ZBTB7C: variants seen among roughly 807,000 people sequenced by gnomAD.
ZBTB7C encodes the protein zinc finger and BTB domain containing 7C.
A neutral mutation model predicts 25.7 loss-of-function variants in ZBTB7C; 8 were observed. That is an observed-to-expected ratio of 0.31 (90% CI 0.18 to 0.56). The LOEUF is 0.56. ZBTB7C is among the 20% of genes least tolerant of loss of function. The pLI, the probability that ZBTB7C is intolerant of heterozygous loss-of-function variation, is 0.91. For synonymous variants in ZBTB7C, 394 were observed against 369.0 expected (o/e 1.07, Z -0.78); for missense variants, 824 against 855.2 (o/e 0.96, Z 0.46).
intron 3 of ZBTB7C, among the ~76,000 whole-genome samples, chr18:48,130,518 T>C (rs1029407216): frequency 1.3e-5 from 2 of 152,182 alleles, no homozygotes; most frequent in Non-Finnish European, 2.9e-5. Context: ...AACGGCCATT[T>C]GTATGACTCT....
intron 3 of ZBTB7C, among the ~76,000 whole-genome samples, chr18:48,159,905 T>C (rs976302237): frequency 6.6e-6 from 1 of 152,118 alleles, no homozygotes; most frequent in Non-Finnish European, 1.5e-5. Flanking sequence ...TGTGGGGCTG[T>C]GGTCTCTTCA....
At chr18:48,393,522 G>C (rs2047951445) in intron 1 of ZBTB7C, among the ~76,000 whole-genome samples, 1 of 152,020 alleles carries the variant, frequency 6.6e-6, no homozygotes, top group African/African-American at 2.4e-5. Flanking sequence ...CAATAAAGCT[G>C]TTAAAAATGT....
intron 2 of ZBTB7C, among the ~76,000 whole-genome samples, chr18:48,302,151 T>C (rs2144745618): frequency 6.6e-6 from 1 of 152,312 alleles, no homozygotes; most frequent in South Asian, 2.1e-4. Flanking sequence ...TTTAACTCTG[T>C]CCTATAATCC....
chr18:48,349,833 G>C (rs145480202), intron 1 of ZBTB7C, among the ~76,000 whole-genome samples: 2 of 152,264 alleles, frequency 1.3e-5, no homozygotes, highest in African/African-American at 4.8e-5. Flanking sequence ...TTTAAAGGGA[G>C]GGGGAGAGAG....
intron 1 of ZBTB7C, among the ~76,000 whole-genome samples, chr18:48,363,259 G>A (rs2047151575): frequency 6.6e-6 from 1 of 152,166 alleles, no homozygotes; most frequent in Non-Finnish European, 1.5e-5. Flanking sequence ...CTATAGGAGG[G>A]TGGCCTTTTA....
At chr18:48,210,050 C>T (rs1277151144) in intron 2 of ZBTB7C, among the ~76,000 whole-genome samples, 1 of 152,042 alleles carries the variant, frequency 6.6e-6, no homozygotes, top group East Asian at 1.9e-4. Flanking sequence ...ATGCAAATGG[C>T]CGGTAAGTAC....
At chr18:48,169,003 G>C (rs1269232315) in intron 3 of ZBTB7C, among the ~76,000 whole-genome samples, 2 of 152,246 alleles carry the variant, frequency 1.3e-5, no homozygotes, top group Non-Finnish European at 2.9e-5. Context: ...AGCCCTTGGT[G>C]AATGTTGCAA....
At chr18:48,238,331 C>T (rs1381365504) in intron 2 of ZBTB7C, among the ~76,000 whole-genome samples, 1 of 152,200 alleles carries the variant, frequency 6.6e-6, no homozygotes, top group Non-Finnish European at 1.5e-5. Flanking sequence ...TGTGTGAAGA[C>T]TCCCATTGTG....
chr18:48,066,371 G>T (rs1159617367), intron 3 of ZBTB7C, among the ~76,000 whole-genome samples: 1 of 152,230 alleles, frequency 6.6e-6, no homozygotes, highest in Non-Finnish European at 1.5e-5. Context: ...AGGTGGGGGT[G>T]ATGTGTTTCT....
chr18:48,106,107 C>G (rs148080432), intron 3 of ZBTB7C, among the ~76,000 whole-genome samples: 41 of 152,318 alleles, frequency 2.7e-4, no homozygotes, highest in African/African-American at 9.4e-4. Flanking sequence ...CTGCAGGAAG[C>G]TGCCTGCTCC....
intron 2 of ZBTB7C, among the ~76,000 whole-genome samples, chr18:48,302,159 T>A (rs1221590681): frequency 6.6e-6 from 1 of 152,066 alleles, no homozygotes; most frequent in African/African-American, 2.4e-5. Flanking sequence ...TGTCCTATAA[T>A]CCCCTGTGCA....
chr18:48,165,230 G>A (rs965337143), intron 3 of ZBTB7C: 1 of 729,886 alleles, frequency 1.4e-6, no homozygotes, highest in Admixed American at 2.3e-5. Flanking sequence ...CCAGCCTCCT[G>A]TTGGCCCACA....
chr18:48,355,926 G>A lies in ZBTB7C; in HGVS notation c.-303-17528C>T, dbSNP rs536274808. On this transcript the variant is annotated intron_variant, in intron 1 of 4. Coordinates refer to ENST00000590800, the MANE Select transcript of ZBTB7C (RefSeq NM_001318841.2). ...ACCTCACACCCCAGGTGAGCGGGCT[G>A]AGAAGTTCACGTTGGCTTTCTACTG... Among the ~76,000 whole-genome samples the A allele has an allele frequency of 1.1e-3, 164 of 152,338 alleles. 1 individual carries two copies. The highest frequency in any genetic ancestry group is 6.8e-3 in the Middle Eastern group (2 of 294).
At position 48,040,978 on chromosome 18, in the gene ZBTB7C, C is replaced by G; in HGVS notation, c.130G>C (p.Glu44Gln). Reference sequence around the variant, plus strand: ...AGGACGGAGCGGTGGGTCCGATACTCCTGCTCCTGCACCACCAGGAGCACG... The same window carrying G: ...AGGACGGAGCGGTGGGTCCGATACTGCTGCTCCTGCACCACCAGGAGCACG... ...CDVLLVVQEQ[E>Q]YRTHRSVLAA... Residue 44 changes from glutamate to glutamine, a missense_variant, in exon 4 of 5, where the codon GAG becomes CAG. Coordinates refer to ENST00000590800, the MANE Select transcript of ZBTB7C (RefSeq NM_001318841.2). 3 of 1,614,168 alleles carry G rather than the reference C, an allele frequency of 1.9e-6. No homozygotes were observed. The highest frequency in any genetic ancestry group is 1.3e-5 in the African/African-American group (1 of 75,054).
chr18:48,364,831 T>C (rs1198772454), intron 1 of ZBTB7C, among the ~76,000 whole-genome samples: 1 of 152,206 alleles, frequency 6.6e-6, no homozygotes, highest in Non-Finnish European at 1.5e-5. Flanking sequence ...ATGTAATACA[T>C]TGTTCTGCCT....
chr18:48,313,271 A>G (rs12959868), intron 2 of ZBTB7C, among the ~76,000 whole-genome samples: 44,053 of 152,026 alleles, frequency 0.29, 7,322 homozygotes, highest in East Asian at 0.75. Flanking sequence ...TAGAGTTCGG[A>G]GTGAGTCTAA....
Position 48,212,821 on chromosome 18 carries a change from G to C in ZBTB7C, c.-78-26826C>G, listed in dbSNP as rs76270637. 6.6e-3 allele frequency among the ~76,000 whole-genome samples: 998 copies of C among 152,196 alleles called. 18 individuals are homozygous for C. Among genetic ancestry groups the C allele is most frequent in the African/African-American group, 0.023 (947 of 41,460 alleles). Reference sequence around the variant, plus strand: ...GATTGGGCTGGGTCTTGAAGAAGGAGTAGAATTTGGAAAGGAGAGTTAATC... The same window carrying C: ...GATTGGGCTGGGTCTTGAAGAAGGACTAGAATTTGGAAAGGAGAGTTAATC... On this transcript the variant is annotated intron_variant, in intron 2 of 4. Transcript: ENST00000590800.
chr18:48,196,603 C>T lies in ZBTB7C; in HGVS notation c.-78-10608G>A, dbSNP rs1310138533. Among the ~76,000 whole-genome samples the T allele has an allele frequency of 2.6e-5, 4 of 152,230 alleles. 1 individual carries two copies. The highest frequency in any genetic ancestry group is 3.4e-3 in the Middle Eastern group (1 of 294). Reference sequence around the variant, plus strand: ...ACATGTCCCCATAAGAAGATGTGGCCACGGACTTATCTCTCATTCTTCATG... The same window carrying T: ...ACATGTCCCCATAAGAAGATGTGGCTACGGACTTATCTCTCATTCTTCATG... On this transcript the variant is annotated intron_variant, in intron 2 of 4. Coordinates refer to ENST00000590800, the MANE Select transcript of ZBTB7C (RefSeq NM_001318841.2).
Position 48,355,688 on chromosome 18 carries a change from C to T in ZBTB7C, c.-303-17290G>A, listed in dbSNP as rs531495369. ...TGTGTGTGTGCAGTGCACAGCATGG[C>T]AATCCATGTGCTGCCTCATCCATAG... On this transcript the variant is annotated intron_variant, in intron 1 of 4. Coordinates refer to ENST00000590800, the MANE Select transcript of ZBTB7C (RefSeq NM_001318841.2). 1.1e-3 allele frequency among the ~76,000 whole-genome samples: 162 copies of T among 152,364 alleles called. 1 individual carries two copies. Among genetic ancestry groups the T allele is most frequent in the African/African-American group, 3.8e-3 (159 of 41,582 alleles).
Sources: gnomAD v4.1 joint callset for allele counts (sites outside exome capture counted in the v4.1 genomes callset) on GRCh38, gnomAD v4.1.1 for gene constraint, MANE v1.5 for transcripts, NCBI Gene and HGNC (gene_info 2026-07-23, HGNC 2026-07-21) for gene names.